Variants in FAM120A observed in about 807,000 individuals in gnomAD.
The protein encoded by FAM120A is constitutive coactivator of PPAR-gamma-like protein 1.
Under a neutral mutation model 109.7 loss-of-function variants are expected in FAM120A, and 15 were observed. That is an observed-to-expected ratio of 0.14 (90% CI 0.09 to 0.21). FAM120A has a LOEUF of 0.21. Ranked by LOEUF, FAM120A falls within the 10% of genes least tolerant of loss-of-function variation. The pLI is 1.00. For synonymous variants in FAM120A, 493 were observed against 572.8 expected, an observed-to-expected ratio of 0.86 and a Z score of 1.99; for missense variants, 899 against 1,439.3, an observed-to-expected ratio of 0.62 and a Z score of 6.07.
At chr9:93,553,776 T>C (rs987776690) in intron 12 of FAM120A, among the ~76,000 whole-genome samples, 1 of 152,190 alleles carries the variant, frequency 6.6e-6, no homozygotes, top group Admixed American at 6.5e-5. Context: ...GGGAGTACTA[T>C]TTAGAGGTGC....
chr9:93,489,619 T>C (rs1046114317), intron 3 of FAM120A, among the ~76,000 whole-genome samples: 2 of 152,240 alleles, frequency 1.3e-5, no homozygotes, highest in African/African-American at 4.8e-5. Context: ...GCAGTTTCCA[T>C]CTTTGGAGTG....
At chr9:93,527,335 C>T in intron 8 of FAM120A, 93 bp downstream of exon 8, 2 of 914,876 alleles carry the variant, frequency 2.2e-6, no homozygotes, top group East Asian at 2.5e-5. Flanking sequence ...TAATATCTCT[C>T]TCTTTTAATC....
At chr9:93,563,260 G>A (rs1001327115) in intron 17 of FAM120A, among the ~76,000 whole-genome samples, 3 of 152,276 alleles carry the variant, frequency 2.0e-5, no homozygotes, top group South Asian at 4.2e-4. Context: ...TGTTGGGAAG[G>A]GAATGCGATG....
chr9:93,466,206 C>T (rs1418118406), intron 1 of FAM120A, among the ~76,000 whole-genome samples: 1 of 152,084 alleles, frequency 6.6e-6, no homozygotes, highest in African/African-American at 2.4e-5. Flanking sequence ...TAAACTCTAC[C>T]TACTGGGGGG....
chr9:93,487,954 A>G (rs1022078657), intron 3 of FAM120A, among the ~76,000 whole-genome samples: 2 of 152,098 alleles, frequency 1.3e-5, no homozygotes, highest in Non-Finnish European at 2.9e-5. Flanking sequence ...CCTCTGCTCT[A>G]TTTCACACTG....
chr9:93,515,138 A>G (rs1860510953), intron 5 of FAM120A, among the ~76,000 whole-genome samples: 1 of 152,280 alleles, frequency 6.6e-6, no homozygotes, highest in South Asian at 2.1e-4. Context: ...AATGAAAAGC[A>G]ATTCCTTTTA....
intron 10 of FAM120A, among the ~76,000 whole-genome samples, chr9:93,535,939 T>A (rs1318134746): frequency 2.0e-5 from 3 of 152,248 alleles, no homozygotes; most frequent in Admixed American, 6.5e-5. Context: ...AGATTTTAGC[T>A]GACTAAATAC....
At chr9:93,457,802 C>CTT (rs34188475) in intron 1 of FAM120A, among the ~76,000 whole-genome samples, 4 of 146,064 alleles carry the variant, frequency 2.7e-5, no homozygotes, top group Admixed American at 6.8e-5. Flanking sequence ...AAATCTCTTC[C>CTT]TTTTTTTTTT....
rs770136674 is a variant in FAM120A at position 93,550,705 on chromosome 9, C to T, written c.2274+14C>T. The T allele has an allele frequency of 1.3e-6, 2 of 1,596,856 alleles. No individual in the cohort carries two copies. The highest frequency in any genetic ancestry group is 2.2e-5 in the South Asian group (2 of 90,586). Reference sequence around the variant, plus strand: ...CAGGAGCTCAAGGTAATTTATCAGCCTCATTGCATTGTCTTGGACAGTCTC... The same window carrying T: ...CAGGAGCTCAAGGTAATTTATCAGCTTCATTGCATTGTCTTGGACAGTCTC... On this transcript the variant is annotated intron_variant, in intron 12 of 17. Coordinates refer to ENST00000277165, the MANE Select transcript of FAM120A (RefSeq NM_014612.5).
intron 3 of FAM120A, among the ~76,000 whole-genome samples, chr9:93,480,437 G>A (rs1858750045): frequency 6.6e-6 from 1 of 152,178 alleles, no homozygotes. Flanking sequence ...CCCAGGCCCA[G>A]GTCCTGCAGA....
intron 1 of FAM120A, among the ~76,000 whole-genome samples, chr9:93,456,765 TTC>T (rs10555016): frequency 0.54 from 82,652 of 151,756 alleles, 23,133 homozygotes; most frequent in African/African-American, 0.66. Context: ...CTACCTACAA[TTC>T]TCACCCCCAG....
At chr9:93,548,808 T>C (rs901886420) in intron 11 of FAM120A, among the ~76,000 whole-genome samples, 16 of 152,108 alleles carry the variant, frequency 1.1e-4, no homozygotes, top group Non-Finnish European at 2.1e-4. Context: ...TTTGGGAGGC[T>C]GAGGTGGGTG....
rs1286233398 is a variant in FAM120A, at chr9:93,471,383, C to G, written c.717C>G (p.Leu239=). 1 of 1,614,016 alleles carries G rather than the reference C, an allele frequency of 6.2e-7. No homozygotes were observed. The highest frequency in any genetic ancestry group is 8.5e-7 in the Non-Finnish European group (1 of 1,180,012). ...NPNRFPIFAA[L]LGNHILPDED... ...ATCGTTTTCCTATTTTTGCTGCTCT[C>G]TTAGGTAGGTGGAGCAGTGTGAAAA... is the stretch of plus-strand genomic sequence containing the variant. Residue 239 remains leucine (L), a synonymous_variant, in exon 2 of 18, where the codon CTC becomes CTG. Transcript: ENST00000277165.
At chr9:93,471,976 T>TA (rs2077219322) in intron 2 of FAM120A, among the ~76,000 whole-genome samples, 2 of 152,192 alleles carry the variant, frequency 1.3e-5, no homozygotes, top group Non-Finnish European at 2.9e-5. Context: ...TAATTTTCTT[T>TA]AATTAAAAAT....
intron 11 of FAM120A, among the ~76,000 whole-genome samples, chr9:93,549,111 G>A (rs1862005021): frequency 6.6e-6 from 1 of 152,074 alleles, no homozygotes; most frequent in Admixed American, 6.5e-5. Context: ...TTTAAGATTT[G>A]TGGCAGTTAA....
Position 93,499,276 on chromosome 9 carries a change from C to CT in FAM120A, c.1030+403dup, listed in dbSNP as rs1241434905. ...TAGTCTCTCTTTTCTTGACCCCTGCCTTTTTTTTTTTTTAATTCTTTTTTG... is the reference window on the plus strand; with the variant it reads ...TAGTCTCTCTTTTCTTGACCCCTGCCTTTTTTTTTTTTTTAATTCTTTTTTG... On this transcript the variant is annotated intron_variant, in intron 5 of 17. Transcript: ENST00000277165. Among the ~76,000 whole-genome samples, 1,341 of 143,812 alleles carry CT rather than the reference C, an allele frequency of 9.3e-3. 10 individuals are homozygous for CT. The highest frequency in any genetic ancestry group is 0.03 in the African/African-American group (1,190 of 39,330). 94.3% of individuals were successfully genotyped at this position (143,812 alleles called of 152,430 possible). A position where few individuals can be genotyped will look rare whatever the true frequency, so the allele number is the denominator to read the frequency against.
Position 93,506,512 on chromosome 9 carries a change from T to C in FAM120A, c.1030+7626T>C, listed in dbSNP as rs147579104. Reference sequence around the variant, plus strand: ...TTCATAGTTTATTTGTATCTTGCTTTGGCTGATTGTGTCTCCTCTAGTATC... The same window carrying C: ...TTCATAGTTTATTTGTATCTTGCTTCGGCTGATTGTGTCTCCTCTAGTATC... On this transcript the variant is annotated intron_variant, in intron 5 of 17. Transcript: ENST00000277165. Among the ~76,000 whole-genome samples, 151 of 152,328 alleles carry C rather than the reference T, an allele frequency of 9.9e-4. 1 individual carries two copies. The highest frequency in any genetic ancestry group is 1.8e-3 in the Non-Finnish European group (120 of 68,028).
At chr9:93,554,043 C>A (rs1403772888) in intron 12 of FAM120A, among the ~76,000 whole-genome samples, 1 of 150,044 alleles carries the variant, frequency 6.7e-6, no homozygotes, top group Non-Finnish European at 1.5e-5. Context: ...CTAATTGAAC[C>A]ATTAATTATC....
Position 93,559,124 on chromosome 9 carries a change from CTG to C in FAM120A, c.2806+408_2806+409del, listed in dbSNP as rs1862392099. On this transcript the variant is annotated intron_variant, in intron 15 of 17. Coordinates refer to ENST00000277165, the MANE Select transcript of FAM120A (RefSeq NM_014612.5). ...TCACAGAATTCCTGACATAAAAAGT[CTG>C]TCACAGTTTGTTTCGCAGAAACATT... 2.6e-5 allele frequency among the ~76,000 whole-genome samples: 4 copies of C among 152,344 alleles called. No homozygotes were observed. In the South Asian group the frequency reaches 8.3e-4, roughly 32 times the overall value.
Sources: gnomAD v4.1 joint callset for allele counts (sites outside exome capture counted in the v4.1 genomes callset) on GRCh38, gnomAD v4.1.1 for gene constraint, MANE v1.5 for transcripts, NCBI Gene and HGNC (gene_info 2026-07-23, HGNC 2026-07-21) for gene names.